SMYD2: variants seen among roughly 807,000 people sequenced by gnomAD.
SMYD2 encodes SET and MYND domain containing 2.
In SMYD2, 53 loss-of-function variants were observed where a neutral mutation model predicts 59.1. That is an observed-to-expected ratio of 0.90 (90% confidence interval 0.72 to 1.13). The LOEUF is 1.13. Ranked by LOEUF, SMYD2 falls within the 50% of genes most tolerant of loss-of-function variation. The pLI is 0.00. For missense variants in SMYD2, 494 were observed against 544.7 expected (o/e 0.91, Z 0.93); for synonymous variants, 208 against 198.8 (o/e 1.05, Z -0.39).
chr1:214,330,871 G>A, intron 8 of SMYD2, 79 bp from the exon 9 acceptor site: 2 of 1,601,438 alleles, frequency 1.2e-6, no homozygotes, highest in Middle Eastern at 2.2e-4. Flanking sequence ...GTGTGGGAAT[G>A]TGTATTATAT....
chr1:214,283,291 T>C (rs973368770), intron 1 of SMYD2, among the ~76,000 whole-genome samples: 1 of 152,216 alleles, frequency 6.6e-6, no homozygotes, highest in Non-Finnish European at 1.5e-5. Context: ...TCTTTTGTTG[T>C]TAAATTTTTC....
intron 1 of SMYD2, among the ~76,000 whole-genome samples, chr1:214,290,749 G>T (rs1249706922): frequency 2.0e-5 from 3 of 152,176 alleles, no homozygotes; most frequent in Admixed American, 2.0e-4. Flanking sequence ...TTTTATTAGA[G>T]CCAAATAAAA....
intron 8 of SMYD2, 114 bp from the exon 9 acceptor site, chr1:214,330,836 T>C (rs758208697): frequency 4.1e-6 from 6 of 1,478,142 alleles, no homozygotes; most frequent in Non-Finnish European, 5.5e-6. Flanking sequence ...TTTTGTAACC[T>C]TGGAATGGGC....
intron 7 of SMYD2, among the ~76,000 whole-genome samples, chr1:214,329,554 CGCTGCCCTGCAGGATCAGGA>C (rs540613402): frequency 0.066 from 9,976 of 152,270 alleles, 474 homozygotes; most frequent in Non-Finnish European, 0.097. Context: ...TTTCCAAGCT[CGCTGCCCTGCAGGATCAGGA>C]GCTGCCCGCT....
In SMYD2 at chr1:214,281,297, C is replaced by T; in HGVS notation, c.43C>T (p.Pro15Ser). 7.4e-7 allele frequency: 1 copy of T among 1,356,072 alleles called. No individual in the cohort carries two copies. Among genetic ancestry groups the T allele is most frequent in the Non-Finnish European group, 9.6e-7 (1 of 1,045,496 alleles). The allele number at this position is 1,356,072 out of a possible 1,614,324, so 84.0% of individuals were successfully genotyped here. A position where few individuals can be genotyped will look rare whatever the true frequency, so the allele number is the denominator to read the frequency against. ...GLGGLERFCS[P>S]GKGRGLRALQ... The stretch of plus-strand genomic sequence containing the variant: ...CGGCGGCCTGGAGCGCTTCTGCAGC[C>T]CGGGCAAAGGCCGGGGGCTGCGGGC... The change falls in exon 1 of 12, where the codon CCG becomes TCG. Residue 15 changes from proline (P) to serine (S), a missense_variant. Transcript: ENST00000366957.
chr1:214,321,934 G>C (rs1657178245), intron 5 of SMYD2, among the ~76,000 whole-genome samples: 1 of 152,180 alleles, frequency 6.6e-6, no homozygotes, highest in Non-Finnish European at 1.5e-5. Context: ...ATGACTCTTA[G>C]GCTCATGGGA....
At position 214,286,554 on chromosome 1, in the gene SMYD2, C is replaced by T. The variant is rs373389433; in HGVS notation, c.173+5127C>T. On this transcript the variant is annotated intron_variant, in intron 1 of 11. Transcript: ENST00000366957. ...GGGAGGCTGAGGCAGATGGATCACT[C>T]GAGGTCAGGAGTTTGAGACCAGCCT... Among the ~76,000 whole-genome samples the T allele has an allele frequency of 1.5e-3, 222 of 151,850 alleles. 1 individual carries two copies. The highest frequency in any genetic ancestry group is 5.0e-3 in the African/African-American group (209 of 41,436).
chr1:214,285,481 T>C (rs1053077685), intron 1 of SMYD2, among the ~76,000 whole-genome samples: 1 of 152,210 alleles, frequency 6.6e-6, no homozygotes, highest in Non-Finnish European at 1.5e-5. Context: ...TAAATCATCA[T>C]GTTTTCTGAA....
chr1:214,306,672 CAT>C (rs1656920269), intron 2 of SMYD2, among the ~76,000 whole-genome samples: 1 of 152,190 alleles, frequency 6.6e-6, no homozygotes, highest in African/African-American at 2.4e-5. Flanking sequence ...GCCCCTGCGA[CAT>C]ATATGGTTTG....
chr1:214,316,225 C>G lies in SMYD2; in HGVS notation c.348+1353C>G, dbSNP rs539197397. Among the ~76,000 whole-genome samples, 3 of 152,284 alleles carry G rather than the reference C, an allele frequency of 2.0e-5. No homozygotes were observed. In the South Asian group the frequency reaches 6.2e-4, roughly 32 times the overall value. On this transcript the variant is annotated intron_variant, in intron 3 of 11. Transcript: ENST00000366957. Reference sequence around the variant, plus strand: ...GTGGCTCATACCTGTAATCTTAGCACTTTGGGAGGCCAAGGCAGAAGGATT... The same window carrying G: ...GTGGCTCATACCTGTAATCTTAGCAGTTTGGGAGGCCAAGGCAGAAGGATT...
intron 1 of SMYD2, 112 bp downstream of exon 1, chr1:214,281,539 T>A (rs1278003186): frequency 2.6e-5 from 4 of 153,940 alleles, no homozygotes; most frequent in African/African-American, 8.0e-5. Flanking sequence ...CGCCGGCCCT[T>A]GGGGCGGGGT....
intron 11 of SMYD2, 141 bp downstream of exon 11, chr1:214,334,449 G>C: frequency 1.3e-6 from 1 of 752,706 alleles, no homozygotes; most frequent in Non-Finnish European, 2.2e-6. Flanking sequence ...GGGAGCAGCG[G>C]GGGTGGGTCC....
intron 2 of SMYD2, among the ~76,000 whole-genome samples, chr1:214,310,369 C>T (rs1656980456): frequency 6.6e-6 from 1 of 152,204 alleles, no homozygotes; most frequent in Admixed American, 6.5e-5. Context: ...GTTACACAGT[C>T]TGTCCTCATT....
intron 1 of SMYD2, among the ~76,000 whole-genome samples, chr1:214,295,136 A>T (rs907096224): frequency 3.9e-5 from 6 of 152,018 alleles, no homozygotes; most frequent in African/African-American, 1.4e-4. Context: ...ATCAGAGGGC[A>T]TTAGAGAAGT....
At chr1:214,300,161 A>G (rs149752582) in intron 1 of SMYD2, among the ~76,000 whole-genome samples, 1 of 152,352 alleles carries the variant, frequency 6.6e-6, no homozygotes, top group African/African-American at 2.4e-5. Flanking sequence ...AAATTTACAT[A>G]TAACCAGGTA....
At chr1:214,288,847 G>T (rs572074315) in intron 1 of SMYD2, among the ~76,000 whole-genome samples, 2 of 151,794 alleles carry the variant, frequency 1.3e-5, no homozygotes, top group African/African-American at 4.8e-5. Flanking sequence ...ATTACGCTAG[G>T]ACTAAACCAG....
intron 3 of SMYD2, among the ~76,000 whole-genome samples, chr1:214,317,157 A>G (rs1170094039): frequency 6.6e-6 from 1 of 152,226 alleles, no homozygotes; most frequent in African/African-American, 2.4e-5. Flanking sequence ...AAAAAGAACT[A>G]TTGAAATATT....
chr1:214,326,271 G>C (rs889524131), intron 6 of SMYD2, among the ~76,000 whole-genome samples: 8 of 149,862 alleles, frequency 5.3e-5, no homozygotes, highest in Non-Finnish European at 1.2e-4. Context: ...GAGGTGCTTT[G>C]AGGATTCTCA....
intron 1 of SMYD2, among the ~76,000 whole-genome samples, chr1:214,298,302 G>T (rs1416932441): frequency 1.3e-5 from 2 of 152,078 alleles, no homozygotes; most frequent in Non-Finnish European, 2.9e-5. Context: ...AAGCAATGGG[G>T]AAAGGACTCC....
Sources: gnomAD v4.1 joint callset for allele counts (sites outside exome capture counted in the v4.1 genomes callset) on GRCh38, gnomAD v4.1.1 for gene constraint, MANE v1.5 for transcripts, NCBI Gene and HGNC (gene_info 2026-07-23, HGNC 2026-07-21) for gene names.